Variants in AGK observed in about 807,000 individuals in gnomAD.
The protein encoded by AGK is acylglycerol kinase, mitochondrial.
AGK carries 52 observed loss-of-function variants against 66.4 expected under a neutral mutation model. The observed-to-expected ratio is 0.78, with a 90% CI of 0.63 to 0.99. The LOEUF is 0.99. Among genes scored for constraint, AGK ranks in the 50% least tolerant of loss-of-function variants. The pLI is 0.00. For synonymous variants in AGK, 182 were observed against 181.1 expected, an observed-to-expected ratio of 1.00 and a Z score of -0.04; for missense variants, 451 against 506.6, an observed-to-expected ratio of 0.89 and a Z score of 1.05.
At chr7:141,553,063 A>G (rs1248147248) in intron 1 of AGK, among the ~76,000 whole-genome samples, 1 of 152,128 alleles carries the variant, frequency 6.6e-6, no homozygotes, top group Non-Finnish European at 1.5e-5. Flanking sequence ...TAATTCTCAC[A>G]GTTCCGGAGG....
chr7:141,564,675 C>A (rs1188704954), intron 2 of AGK, among the ~76,000 whole-genome samples: 1 of 152,162 alleles, frequency 6.6e-6, no homozygotes. Flanking sequence ...TGTCTTTTGA[C>A]TCCCATATTC....
Position 141,652,794 on chromosome 7 carries a change from G to A in AGK, c.1139G>A (p.Gly380Glu), listed in dbSNP as rs1438991196. The A allele has an allele frequency of 1.2e-6, 2 of 1,613,172 alleles. No homozygotes were observed. Among genetic ancestry groups the A allele is most frequent in the South Asian group, 1.1e-5 (1 of 91,020 alleles). ...QCTLLIPEGA[G>E]GSFSIDSEEY... The stretch of plus-strand genomic sequence containing the variant: ...ATATTCTCTTCTCCCCAGGGAGCAG[G>A]GGGCTCTTTTAGCATTGACAGTGAG... Residue 380 changes from glycine to glutamate, a missense_variant, in exon 16 of 16, where the codon GGG (glycine) becomes GAG (glutamate). Coordinates refer to ENST00000649286, the MANE Select transcript of AGK (RefSeq NM_018238.4).
chr7:141,591,026 T>C (rs1301662319), intron 2 of AGK, among the ~76,000 whole-genome samples: 2 of 149,302 alleles, frequency 1.3e-5, no homozygotes, highest in African/African-American at 2.4e-5. Flanking sequence ...TCAAACAACA[T>C]CAGCTTTTGG....
intron 14 of AGK, chr7:141,650,810 AG>A (rs1202414460): frequency 1.4e-5 from 5 of 367,816 alleles, no homozygotes; most frequent in Non-Finnish European, 1.5e-5. Context: ...CAAAATCCAC[AG>A]GTTGTCAAGC....
intron 2 of AGK, among the ~76,000 whole-genome samples, chr7:141,561,570 G>T (rs989421313): frequency 1.3e-5 from 2 of 151,386 alleles, no homozygotes; most frequent in Non-Finnish European, 2.9e-5. Flanking sequence ...TATATCTTTT[G>T]AGAATTGTCT....
chr7:141,629,763 G>C (rs1797016867), intron 9 of AGK, among the ~76,000 whole-genome samples: 1 of 151,920 alleles, frequency 6.6e-6, no homozygotes, highest in South Asian at 2.1e-4. Context: ...AATTCTAATG[G>C]AATGTTCCTA....
At chr7:141,639,600 T>A (rs1638951400) in intron 11 of AGK, among the ~76,000 whole-genome samples, 2 of 152,116 alleles carry the variant, frequency 1.3e-5, no homozygotes, top group African/African-American at 4.8e-5. Flanking sequence ...GTTAAGGTAT[T>A]CTCACTGATG....
In AGK at chr7:141,643,377, A is replaced by G. The variant is rs554137176; in HGVS notation, c.975+1469A>G. On this transcript the variant is annotated intron_variant, in intron 13 of 15. Coordinates refer to ENST00000649286, the MANE Select transcript of AGK (RefSeq NM_018238.4). Reference sequence around the variant, plus strand: ...TGAAGTTAAAAAAAAGTATTAGGGTAAAATCTAAGTGATTATCAGTATAAA... The same window carrying G: ...TGAAGTTAAAAAAAAGTATTAGGGTGAAATCTAAGTGATTATCAGTATAAA... 5.9e-5 allele frequency among the ~76,000 whole-genome samples: 9 copies of G among 152,334 alleles called. 2 individuals are homozygous for G. Among genetic ancestry groups the G allele is most frequent in the African/African-American group, 2.2e-4 (9 of 41,588 alleles).
chr7:141,611,111 T>C (rs973081716), intron 5 of AGK, 84 bp from the exon 6 acceptor site: 5 of 807,756 alleles, frequency 6.2e-6, no homozygotes, highest in Non-Finnish European at 9.9e-6. Context: ...TGTAAAACTT[T>C]AAAGAAGATA....
intron 2 of AGK, among the ~76,000 whole-genome samples, chr7:141,573,804 A>G (rs1010255479): frequency 1.3e-5 from 2 of 152,134 alleles, no homozygotes; most frequent in Non-Finnish European, 2.9e-5. Flanking sequence ...CAGGAGCTCT[A>G]TGTAATCTGT....
At chr7:141,625,632 T>A (rs989773853) in intron 9 of AGK, among the ~76,000 whole-genome samples, 1 of 152,176 alleles carries the variant, frequency 6.6e-6, no homozygotes, top group African/African-American at 2.4e-5. Context: ...GTTTTGAATA[T>A]TAAAAGAGTT....
At chr7:141,593,109 A>T in intron 2 of AGK, 37 bp from the exon 3 acceptor site, 4 of 1,582,096 alleles carry the variant, frequency 2.5e-6, no homozygotes, top group Non-Finnish European at 3.5e-6. Flanking sequence ...ATAATCTATT[A>T]AAGCTAATGA....
At chr7:141,614,102 AAATACAT>A (rs1438349146) in intron 6 of AGK, 37 bp from the exon 7 acceptor site, 5 of 1,342,054 alleles carry the variant, frequency 3.7e-6, no homozygotes, top group Non-Finnish European at 5.2e-6. Flanking sequence ...ATTGTAAAGG[AAATACAT>A]ATTATTTATA....
At chr7:141,570,114 G>A (rs918440926) in intron 2 of AGK, among the ~76,000 whole-genome samples, 3 of 152,154 alleles carry the variant, frequency 2.0e-5, no homozygotes, top group African/African-American at 2.4e-5. Context: ...TAGGCCAGGC[G>A]CAGTGGCTCA....
intron 9 of AGK, among the ~76,000 whole-genome samples, chr7:141,626,362 G>A (rs925751855): frequency 2.6e-5 from 4 of 152,138 alleles, no homozygotes; most frequent in South Asian, 2.1e-4. Context: ...AATCACCTGC[G>A]TAATAATTGA....
At chr7:141,610,610 G>A (rs1221071412) in intron 5 of AGK, among the ~76,000 whole-genome samples, 2 of 152,046 alleles carry the variant, frequency 1.3e-5, no homozygotes, top group Admixed American at 6.6e-5. Context: ...CTTTTATTTA[G>A]TGCAATACCA....
intron 2 of AGK, among the ~76,000 whole-genome samples, chr7:141,574,944 G>T (rs144264526): frequency 6.6e-6 from 1 of 152,272 alleles, no homozygotes; most frequent in East Asian, 1.9e-4. Context: ...GGTTATTTAG[G>T]TTATTTTAGG....
chr7:141,602,173 T>TGTGTGTG lies in AGK; in HGVS notation c.297+893_297+894insGTGTGTG, dbSNP rs1587114560. Among the ~76,000 whole-genome samples, 865 of 125,368 alleles carry TGTGTGTG rather than the reference T, an allele frequency of 6.9e-3. 20 individuals carry two copies. The highest frequency in any genetic ancestry group is 0.02 in the African/African-American group (692 of 35,286). 82.2% of individuals were successfully genotyped at this position (125,368 alleles called of 152,430 possible). A position where few individuals can be genotyped will look rare whatever the true frequency, so the allele number is the denominator to read the frequency against. ...GAGCTTTCCTTGAGGGGAGATTTTC[T>TGTGTGTG]TGTGTGTGTGTGTGTGTGTGTGTGT... On this transcript the variant is annotated intron_variant, in intron 5 of 15. Transcript: ENST00000649286.
At chr7:141,641,686 T>C in intron 12 of AGK, 125 bp from the exon 13 acceptor site, 1 of 812,936 alleles carries the variant, frequency 1.2e-6, no homozygotes, top group Non-Finnish European at 2.0e-6. Context: ...ATGAAATAAA[T>C]AAAATGAAGG....
Sources: allele counts gnomAD v4.1 joint callset (sites outside exome capture counted in the v4.1 genomes callset), GRCh38; gene constraint gnomAD v4.1.1; transcripts MANE v1.5; gene names NCBI Gene and HGNC (gene_info 2026-07-23, HGNC 2026-07-21).